Variants in GCSAM observed in about 807,000 individuals in gnomAD.
GCSAM encodes the protein germinal center-associated signaling and motility protein.
Under a neutral mutation model 17.6 loss-of-function variants are expected in GCSAM, and 8 were observed. That is an observed-to-expected ratio of 0.46 (90% confidence interval 0.27 to 0.82). The LOEUF is 0.82. GCSAM is among the 40% of genes least tolerant of loss of function. GCSAM has a pLI of 0.15. For synonymous variants in GCSAM, 68 were observed against 69.0 expected (o/e 0.98, Z 0.07); for missense variants, 192 against 213.5 (o/e 0.90, Z 0.63).
intron 2 of GCSAM, chr3:112,130,206 A>T (rs182291377): frequency 5.5e-5 from 30 of 545,836 alleles, no homozygotes; most frequent in Non-Finnish European, 9.5e-5. Context: ...CATAACAGGG[A>T]CTAGCAGGGT....
intron 3 of GCSAM, 129 bp from the exon 4 acceptor site, chr3:112,127,162 TA>T (rs1417423066): frequency 1.7e-6 from 1 of 576,370 alleles, no homozygotes; most frequent in Non-Finnish European, 3.0e-6. Context: ...TCCTTCAGCA[TA>T]GATGAGTTAA....
chr3:112,124,436 C>G (rs1348639645), intron 5 of GCSAM, among the ~76,000 whole-genome samples: 1 of 152,072 alleles, frequency 6.6e-6, no homozygotes, highest in African/African-American at 2.4e-5. Flanking sequence ...TGGTGAAACC[C>G]CATTTCTACT....
In GCSAM at chr3:112,123,283, T is replaced by G; in HGVS notation, c.*172A>C. 8.2e-7 allele frequency: 1 copy of G among 1,213,704 alleles called. No individual in the cohort carries two copies. The highest frequency in any genetic ancestry group is 1.1e-6 in the Non-Finnish European group (1 of 895,364). 75.2% of individuals were successfully genotyped at this position (1,213,704 alleles called of 1,614,324 possible). A position where few individuals can be genotyped will look rare whatever the true frequency, so the allele number is the denominator to read the frequency against. ...CAGGATAAATGGTTGATCTTTAGAT[T>G]TTGGCTTTTGCGTGCTAAGAGGGCT... On this transcript the variant is annotated 3_prime_UTR_variant, in exon 6 of 6. Coordinates refer to ENST00000308910, the MANE Select transcript of GCSAM (RefSeq NM_152785.5).
At chr3:112,130,859 G>A in intron 1 of GCSAM, 1 of 321,800 alleles carries the variant, frequency 3.1e-6, no homozygotes, top group East Asian at 6.7e-5. Context: ...CATCTCTTTG[G>A]TGCAGTTCCA....
Position 112,123,586 on chromosome 3 carries a change from T to C in GCSAM, c.406A>G (p.Thr136Ala), listed in dbSNP as rs1016658279. The change falls in exon 6 of 6, where the codon ACA becomes GCA. Residue 136 changes from threonine to alanine, a missense_variant. Transcript: ENST00000308910. ...TEYSLLHMPS[T>A]DPRHARSPED... ...GGGGATCGGGCATGCCTGGGGTCTG[T>C]AGAAGGCATATGTAGAAGTGAATAC... The C allele has an allele frequency of 1.2e-6, 2 of 1,613,964 alleles. No homozygotes were observed. The highest frequency in any genetic ancestry group is 3.3e-5 in the Admixed American group (2 of 60,000).
Position 112,122,446 on chromosome 3 carries a change from T to C in GCSAM, c.*1009A>G, listed in dbSNP as rs1247811870. The C allele has an allele frequency of 1.3e-5, 2 of 152,170 alleles. No homozygotes were observed. The highest frequency in any genetic ancestry group is 2.9e-5 in the Non-Finnish European group (2 of 68,034). The allele number at this position is 152,170 out of a possible 1,614,324, so 9.4% of individuals were successfully genotyped here. On this transcript the variant is annotated 3_prime_UTR_variant, in exon 6 of 6. Transcript: ENST00000308910. ...TGATCCCTGGTTTAGAGGATAGATA[T>C]AATTTGAGGAACACTAAGGAAAAGA...
intron 2 of GCSAM, chr3:112,129,289 G>A (rs1007789064): frequency 7.2e-5 from 11 of 152,222 alleles, no homozygotes; most frequent in Admixed American, 3.3e-4. Flanking sequence ...GAACTCCTGA[G>A]GCCACAGTTT....
At chr3:112,125,673 G>A (rs1478096122) in intron 4 of GCSAM, among the ~76,000 whole-genome samples, 4 of 149,880 alleles carry the variant, frequency 2.7e-5, no homozygotes, top group African/African-American at 9.9e-5. Context: ...AGCTAGCACA[G>A]GAGACAGACA....
chr3:112,125,376 G>A, intron 4 of GCSAM, 122 bp from the exon 5 acceptor site: 1 of 703,218 alleles, frequency 1.4e-6, no homozygotes, highest in Non-Finnish European at 2.6e-6. Context: ...CTCTTCTCAG[G>A]CTATTCTGAT....
At chr3:112,127,245 C>T (rs190613919) in intron 3 of GCSAM, among the ~76,000 whole-genome samples, 1 of 152,274 alleles carries the variant, frequency 6.6e-6, no homozygotes, top group East Asian at 1.9e-4. Context: ...TCTCTCTCCT[C>T]CTCTCTTTCT....
rs368820777 is a variant in GCSAM, at chr3:112,133,161, A to T, written c.-41T>A. 6.2e-7 allele frequency: 1 copy of T among 1,610,856 alleles called. No individual in the cohort carries two copies. On this transcript the variant is annotated 5_prime_UTR_variant, in exon 1 of 6. Transcript: ENST00000308910. ...AGGGCTTCCCCTCCGTCCCTTTACC[A>T]CTTCCTTCTTGCCTTGTGCTCTGAC...
At chr3:112,124,033 G>T (rs918023125) in intron 5 of GCSAM, among the ~76,000 whole-genome samples, 2 of 152,122 alleles carry the variant, frequency 1.3e-5, no homozygotes, top group African/African-American at 4.8e-5. Context: ...ATATAGTTTG[G>T]ATATTCGTCC....
At position 112,128,010 on chromosome 3, in the gene GCSAM, C is replaced by T. The variant is rs952511650; in HGVS notation, c.143+7G>A. On this transcript the variant is annotated splice_region_variant and intron_variant, in intron 3 of 5. Transcript: ENST00000308910. ...GAAATAACTCCTAAAAACAACTGTC[C>T]ACTCACCATGGAAGGCAGAAACACC... The T allele has an allele frequency of 1.9e-6, 3 of 1,612,474 alleles. No homozygotes were observed. Among genetic ancestry groups the T allele is most frequent in the Non-Finnish European group, 2.5e-6 (3 of 1,178,628 alleles).
In GCSAM at chr3:112,125,086, C is replaced by A. The variant is rs116613568; in HGVS notation, c.219+140G>T. On this transcript the variant is annotated intron_variant, in intron 5 of 5. Coordinates refer to ENST00000308910, the MANE Select transcript of GCSAM (RefSeq NM_152785.5). ...GCCACCCGGCCCTGCACCTGCCACCCGAGTTCACAAGCACTGACATCTAAA... is the reference window on the plus strand; with the variant it reads ...GCCACCCGGCCCTGCACCTGCCACCAGAGTTCACAAGCACTGACATCTAAA... 2.0e-3 allele frequency: 1,383 copies of A among 677,470 alleles called. 20 individuals carry two copies. The African/African-American group carries it at 0.022, about 11-fold the overall frequency. 42.0% of individuals were successfully genotyped at this position (677,470 alleles called of 1,614,324 possible). A position where few individuals can be genotyped will look rare whatever the true frequency, so the allele number is the denominator to read the frequency against.
At chr3:112,129,036 A>G (rs901273826) in intron 2 of GCSAM, 2 of 152,238 alleles carry the variant, frequency 1.3e-5, no homozygotes, top group Non-Finnish European at 2.9e-5. Context: ...TTGGCTGAGC[A>G]TTCTGACAAC....
chr3:112,132,273 T>C (rs1038276607), intron 1 of GCSAM, among the ~76,000 whole-genome samples: 2 of 152,098 alleles, frequency 1.3e-5, no homozygotes, highest in African/African-American at 4.8e-5. Flanking sequence ...TTTTCCTGTG[T>C]TCCACTCTCC....
At position 112,133,235 on chromosome 3, in the gene GCSAM, T is replaced by A. The variant is rs994533248; in HGVS notation, c.-115A>T. ...AGGGCTGTGTGGCTCTGGCCACCCGTGCAGAGACAGCAGAAAGGAGAAGGG... is the reference window on the plus strand; with the variant it reads ...AGGGCTGTGTGGCTCTGGCCACCCGAGCAGAGACAGCAGAAAGGAGAAGGG... On this transcript the variant is annotated 5_prime_UTR_variant, in exon 1 of 6. Transcript: ENST00000308910. 5.5e-6 allele frequency: 6 copies of A among 1,087,458 alleles called. No individual in the cohort carries two copies. The African/African-American group carries it at 9.3e-5, about 17-fold the overall frequency. The allele number at this position is 1,087,458 out of a possible 1,614,324, so 67.4% of individuals were successfully genotyped here.
At chr3:112,126,888 A>G in intron 4 of GCSAM, 99 bp downstream of exon 4, 8 of 847,280 alleles carry the variant, frequency 9.4e-6, no homozygotes, top group Non-Finnish European at 1.6e-5. Flanking sequence ...AGATATTGTA[A>G]TTGAAATATG....
rs2074189475 is a variant in GCSAM at position 112,121,138 on chromosome 3, A to G, written c.*2317T>C. ...CATTTATATTTAATGTGTCCCTGAT[A>G]AAAGGCATATACTGTTTGGGACAGA... On this transcript the variant is annotated 3_prime_UTR_variant, in exon 6 of 6. Coordinates refer to ENST00000308910, the MANE Select transcript of GCSAM (RefSeq NM_152785.5). 1 of 152,192 alleles carries G rather than the reference A, an allele frequency of 6.6e-6. No individual in the cohort carries two copies. Among genetic ancestry groups the G allele is most frequent in the Non-Finnish European group, 1.5e-5 (1 of 68,032 alleles). 9.4% of individuals were successfully genotyped at this position (152,192 alleles called of 1,614,324 possible).
Sources: gnomAD v4.1 joint callset for allele counts (sites outside exome capture counted in the v4.1 genomes callset) on GRCh38, gnomAD v4.1.1 for gene constraint, MANE v1.5 for transcripts, NCBI Gene and HGNC (gene_info 2026-07-23, HGNC 2026-07-21) for gene names.